Variants in IQCK observed in about 807,000 individuals in gnomAD.
IQCK encodes the protein IQ domain-containing protein K.
In IQCK, 29 loss-of-function variants were observed where a neutral mutation model predicts 28.1. The observed-to-expected ratio is 1.03, with a 90% CI of 0.77 to 1.41. The LOEUF (loss-of-function observed/expected upper bound fraction) is 1.41. Among genes scored for constraint, IQCK ranks in the 40% most tolerant of loss-of-function variants. The probability of loss-of-function intolerance (pLI) is 0.00; values close to 1 mark genes in which losing one functional copy is unlikely to be tolerated. For synonymous variants in IQCK, 113 were observed against 115.1 expected (o/e 0.98, Z 0.12); for missense variants, 359 against 314.7 (o/e 1.14, Z -1.07).
At chr16:19,858,299 T>C (rs2056589148) in exon 10 of IQCK, 2 of 441,334 alleles carry the variant, frequency 4.5e-6, no homozygotes, top group Non-Finnish European at 8.0e-6. Flanking sequence ...AAACCCTAAG[T>C]GCGATAACAT....
chr16:19,783,560 T>C (rs2055521922), intron 6 of IQCK, among the ~76,000 whole-genome samples: 1 of 152,124 alleles, frequency 6.6e-6, no homozygotes, highest in Admixed American at 6.6e-5. Flanking sequence ...TCTTTATTTT[T>C]ATTTGACCTT....
chr16:19,853,974 G>C (rs113525052), intron 9 of IQCK, among the ~76,000 whole-genome samples: 1 of 152,230 alleles, frequency 6.6e-6, no homozygotes, highest in Admixed American at 6.5e-5. Flanking sequence ...AGACTCACAG[G>C]CAGCCAGCAT....
chr16:19,826,183 T>C (rs2056146286), intron 7 of IQCK, among the ~76,000 whole-genome samples: 1 of 152,122 alleles, frequency 6.6e-6, no homozygotes, highest in Non-Finnish European at 1.5e-5. Context: ...ATTTTGTTTA[T>C]TTTTTATAGA....
chr16:19,753,065 A>G (rs2055008127), intron 4 of IQCK, among the ~76,000 whole-genome samples: 2 of 151,982 alleles, frequency 1.3e-5, no homozygotes, highest in South Asian at 4.2e-4. Context: ...AGAGAGAGAG[A>G]GAGAGAGAGT....
intron 7 of IQCK, among the ~76,000 whole-genome samples, chr16:19,822,087 A>C (rs1164963185): frequency 4.7e-5 from 7 of 147,512 alleles, no homozygotes; most frequent in African/African-American, 1.8e-4. Flanking sequence ...AAAAAAACAA[A>C]AAAAAAAACA....
intron 9 of IQCK, among the ~76,000 whole-genome samples, chr16:19,835,724 A>G (rs1200614457): frequency 6.6e-6 from 1 of 151,806 alleles, no homozygotes; most frequent in Non-Finnish European, 1.5e-5. Flanking sequence ...AGCTGGGATT[A>G]TAGGCGAGTG....
At chr16:19,857,401 C>G (rs1160487401) in exon 10 of IQCK, 3 of 429,014 alleles carry the variant, frequency 7.0e-6, no homozygotes, top group African/African-American at 4.2e-5. Context: ...TTTATATAGT[C>G]GTTTATGGTA....
chr16:19,723,753 A>G (rs1977568356), intron 1 of IQCK, among the ~76,000 whole-genome samples: 1 of 152,148 alleles, frequency 6.6e-6, no homozygotes, highest in East Asian at 1.9e-4. Context: ...CAGGAGTTCG[A>G]GACCAGCCTG....
chr16:19,723,456 A>T (rs982128362), intron 1 of IQCK, among the ~76,000 whole-genome samples: 1 of 152,136 alleles, frequency 6.6e-6, no homozygotes, highest in Admixed American at 6.6e-5. Context: ...TAGGTGCATT[A>T]CTTCTCATTT....
chr16:19,817,231 G>A (rs2081634988), intron 7 of IQCK, among the ~76,000 whole-genome samples: 2 of 152,140 alleles, frequency 1.3e-5, no homozygotes, highest in African/African-American at 2.4e-5. Context: ...CTCTTAGTAA[G>A]GGAGGCTTTG....
At chr16:19,829,151 T>C (rs1022469407), downstream of IQCK, among the ~76,000 whole-genome samples, 3 of 151,486 alleles carry the variant, frequency 2.0e-5, no homozygotes, top group Non-Finnish European at 4.4e-5. Context: ...TTTATAATTA[T>C]GAGAAACTAC....
chr16:19,749,933 G>A (rs2054963575), intron 4 of IQCK, among the ~76,000 whole-genome samples: 1 of 152,106 alleles, frequency 6.6e-6, no homozygotes. Context: ...ACAGTGTAAG[G>A]GAAGCTTAAT....
At chr16:19,836,541 GACC>G (rs2056299909) in intron 9 of IQCK, among the ~76,000 whole-genome samples, 1 of 152,150 alleles carries the variant, frequency 6.6e-6, no homozygotes, top group South Asian at 2.1e-4. Flanking sequence ...TTATGCGAAT[GACC>G]ACTTCCAACT....
intron 1 of IQCK, among the ~76,000 whole-genome samples, chr16:19,724,991 T>C (rs1842495170): frequency 6.6e-6 from 1 of 152,184 alleles, no homozygotes; most frequent in Admixed American, 6.5e-5. Flanking sequence ...GGCTCCACTC[T>C]GCCAACAAGT....
chr16:19,779,323 G>C (rs553439020), intron 6 of IQCK, among the ~76,000 whole-genome samples: 92 of 152,312 alleles, frequency 6.0e-4, no homozygotes, highest in Non-Finnish European at 9.1e-4. Flanking sequence ...AAGAAGACTT[G>C]CTGATGGATT....
intron 7 of IQCK, among the ~76,000 whole-genome samples, chr16:19,807,413 G>A (rs2055847919): frequency 6.6e-6 from 1 of 152,226 alleles, no homozygotes; most frequent in South Asian, 2.1e-4. Flanking sequence ...TCAGGCTGCT[G>A]CAGAGAGAAC....
chr16:19,817,819 C>T (rs1351637747), intron 7 of IQCK, among the ~76,000 whole-genome samples: 1 of 152,154 alleles, frequency 6.6e-6, no homozygotes, highest in African/African-American at 2.4e-5. Context: ...AAAACATGGA[C>T]TGAAAAGTGA....
At chr16:19,855,477 T>A (rs1255553197) in intron 9 of IQCK, among the ~76,000 whole-genome samples, 1 of 151,966 alleles carries the variant, frequency 6.6e-6, no homozygotes, top group East Asian at 1.9e-4. Context: ...TGTAGCTACT[T>A]GGGATGCTGA....
At position 19,746,549 on chromosome 16, in the gene IQCK, T is replaced by C. The variant is rs184564486; in HGVS notation, c.474+11099T>C. On this transcript the variant is annotated intron_variant, in intron 4 of 7. Coordinates refer to ENST00000564186, the Ensembl canonical transcript of IQCK. The stretch of plus-strand genomic sequence containing the variant: ...CTTAGAATTGCCGTCAGATCTAGTT[T>C]GTAAGCCATGCAAGAAAATCTTATT... Among the ~76,000 whole-genome samples, 317 of 152,356 alleles carry C rather than the reference T, an allele frequency of 2.1e-3. 2 individuals carry two copies. Among genetic ancestry groups the C allele is most frequent in the Middle Eastern group, 0.01 (3 of 294 alleles).
Sources: allele counts gnomAD v4.1 joint callset (sites outside exome capture counted in the v4.1 genomes callset), GRCh38; gene constraint gnomAD v4.1.1; transcripts MANE v1.5; gene names NCBI Gene and HGNC (gene_info 2026-07-23, HGNC 2026-07-21).